Variants in SMARCA5 observed in about 807,000 individuals in gnomAD.
The protein encoded by SMARCA5 is SWI/SNF-related matrix-associated actin-dependent regulator of chromatin subfamily A member 5.
In SMARCA5, 18 loss-of-function variants were observed where a neutral mutation model predicts 140.4. The ratio of observed to expected loss-of-function variants is 0.13; its 90% CI spans 0.09 to 0.19. SMARCA5 has a LOEUF of 0.19. Ranked by LOEUF, SMARCA5 falls within the 10% of genes least tolerant of loss-of-function variation. The pLI is 1.00. For missense variants in SMARCA5, 606 were observed against 1,276.8 expected, an observed-to-expected ratio of 0.47 and a Z score of 8.01; for synonymous variants, 449 against 419.6, an observed-to-expected ratio of 1.07 and a Z score of -0.86.
chr4:143,554,990 T>G lies in SMARCA5; in HGVS notation c.*1806T>G, dbSNP rs980898520. ...CAGCTAGGCCCTGCCACCACTGTGT[T>G]TGGCCAAGTTCACAAATCTGTTTTA... On this transcript the variant is annotated 3_prime_UTR_variant, in exon 24 of 24. Coordinates refer to ENST00000283131, the MANE Select transcript of SMARCA5 (RefSeq NM_003601.4). 6.3e-6 allele frequency: 3 copies of G among 479,196 alleles called. No individual in the cohort carries two copies. Among genetic ancestry groups the G allele is most frequent in the African/African-American group, 3.9e-5 (2 of 50,898 alleles). The allele number at this position is 479,196 out of a possible 1,614,324, so 29.7% of individuals were successfully genotyped here.
At position 143,554,938 on chromosome 4, in the gene SMARCA5, A is replaced by T. The variant is rs1270843733; in HGVS notation, c.*1754A>T. 1 of 387,038 alleles carries T rather than the reference A, an allele frequency of 2.6e-6. No individual in the cohort carries two copies. Among genetic ancestry groups the T allele is most frequent in the Non-Finnish European group, 4.9e-6 (1 of 203,988 alleles). The allele number at this position is 387,038 out of a possible 1,614,324, so 24.0% of individuals were successfully genotyped here. A position where few individuals can be genotyped will look rare whatever the true frequency, so the allele number is the denominator to read the frequency against. ...ACTCAAATGGAAACTGTGTGAAGGG[A>T]AACTCACTTGAAAAAAAAGCATGAA... On this transcript the variant is annotated 3_prime_UTR_variant, in exon 24 of 24. Coordinates refer to ENST00000283131, the MANE Select transcript of SMARCA5 (RefSeq NM_003601.4).
In SMARCA5 at chr4:143,514,018, A is replaced by T. The variant is rs1736764208; in HGVS notation, c.94A>T (p.Ser32Cys). 1.9e-6 allele frequency: 3 copies of T among 1,552,876 alleles called. No homozygotes were observed. In the African/African-American group the frequency reaches 4.1e-5, roughly 21 times the overall value. The change falls in exon 1 of 24, where the codon AGC becomes TGC. Residue 32 changes from serine to cysteine, a missense_variant. Transcript: ENST00000283131. ...GATCGCCAGCGGCGGGAGCAACAGCAGCAACAAAGGCGGCCCCGAAGGCGT... is the reference window on the plus strand; with the variant it reads ...GATCGCCAGCGGCGGGAGCAACAGCTGCAACAAAGGCGGCCCCGAAGGCGT... Reference protein sequence around the residue: ...ASIASGGSNSSNKGGPEGVAA... With the variant: ...ASIASGGSNSCNKGGPEGVAA...
Position 143,556,772 on chromosome 4 carries a change from T to C in SMARCA5, c.*3588T>C, listed in dbSNP as rs953129050. On this transcript the variant is annotated 3_prime_UTR_variant, in exon 24 of 24. Coordinates refer to ENST00000283131, the MANE Select transcript of SMARCA5 (RefSeq NM_003601.4). ...AGCAGTGCTGCAGAATTAACTTCGC[T>C]GTGTACATCCCAGAATCGTTTTGGA... 4.6e-5 allele frequency: 7 copies of C among 152,210 alleles called. No homozygotes were observed. The highest frequency in any genetic ancestry group is 1.0e-4 in the Non-Finnish European group (7 of 68,040). 9.4% of individuals were successfully genotyped at this position (152,210 alleles called of 1,614,324 possible).
At chr4:143,535,868 C>T (rs1347962896) in intron 10 of SMARCA5, among the ~76,000 whole-genome samples, 8 of 152,156 alleles carry the variant, frequency 5.3e-5, no homozygotes, top group Non-Finnish European at 1.2e-4. Context: ...TTTTTATAAT[C>T]TGGCCTTAGC....
chr4:143,520,284 T>C (rs540584281), intron 2 of SMARCA5, among the ~76,000 whole-genome samples: 2 of 152,348 alleles, frequency 1.3e-5, no homozygotes, highest in Admixed American at 1.3e-4. Flanking sequence ...TGCATTCACA[T>C]ATGTATCTTG....
chr4:143,517,699 A>G (rs977870519), intron 2 of SMARCA5, among the ~76,000 whole-genome samples: 4 of 152,154 alleles, frequency 2.6e-5, no homozygotes, highest in Admixed American at 1.3e-4. Context: ...TTTTATAACA[A>G]GCTCACTGGT....
intron 19 of SMARCA5, 22 bp downstream of exon 19, chr4:143,546,069 A>G: frequency 6.5e-7 from 1 of 1,549,258 alleles, no homozygotes; most frequent in Non-Finnish European, 8.7e-7. Context: ...AATCAGTACA[A>G]ACTTTAGTAA....
intron 22 of SMARCA5, among the ~76,000 whole-genome samples, chr4:143,548,802 A>G (rs916322640): frequency 7.9e-5 from 12 of 152,206 alleles, no homozygotes; most frequent in Admixed American, 2.0e-4. Context: ...TTCTGGGATA[A>G]GCAAAGTTTA....
At position 143,555,362 on chromosome 4, in the gene SMARCA5, T is replaced by C; in HGVS notation, c.*2178T>C. ...ATTATAGCAATCCCCACTGCCACCA[T>C]ATCCATCACCACCACCATGGCTGCC... is the stretch of plus-strand genomic sequence containing the variant. On this transcript the variant is annotated 3_prime_UTR_variant, in exon 24 of 24. Coordinates refer to ENST00000283131, the MANE Select transcript of SMARCA5 (RefSeq NM_003601.4). 1 of 706,000 alleles carries C rather than the reference T, an allele frequency of 1.4e-6. No homozygotes were observed. The allele number at this position is 706,000 out of a possible 1,614,324, so 43.7% of individuals were successfully genotyped here. A position where few individuals can be genotyped will look rare whatever the true frequency, so the allele number is the denominator to read the frequency against.
At chr4:143,524,589 T>C in intron 4 of SMARCA5, 122 bp downstream of exon 4, 1 of 615,262 alleles carries the variant, frequency 1.6e-6, no homozygotes. Flanking sequence ...AGATGTTTAT[T>C]GGTTATGAAA....
In SMARCA5 at chr4:143,557,360, C is replaced by G. The variant is rs146013497; in HGVS notation, c.*4176C>G. The G allele has an allele frequency of 6.6e-6, 1 of 152,134 alleles. No homozygotes were observed. The allele number at this position is 152,134 out of a possible 1,614,324, so 9.4% of individuals were successfully genotyped here. ...GAATATGCATATAGTTTGCTTACTA[C>G]AGAAATTCTTGTTTTTGATGTAGAC... On this transcript the variant is annotated 3_prime_UTR_variant, in exon 24 of 24. Transcript: ENST00000283131.
chr4:143,539,052 T>C (rs1737373521), intron 13 of SMARCA5, 114 bp downstream of exon 13: 1 of 912,410 alleles, frequency 1.1e-6, no homozygotes, highest in Non-Finnish European at 1.7e-6. Context: ...TTCTCTAATC[T>C]AATGGTTCAG....
intron 9 of SMARCA5, among the ~76,000 whole-genome samples, chr4:143,532,552 C>T (rs552030995): frequency 6.4e-4 from 97 of 152,276 alleles, no homozygotes; most frequent in Middle Eastern, 3.4e-3. Flanking sequence ...TTTGAAGTTT[C>T]TACAGTAGCA....
intron 23 of SMARCA5, among the ~76,000 whole-genome samples, chr4:143,551,482 C>G (rs1260107535): frequency 6.6e-6 from 1 of 152,034 alleles, no homozygotes; most frequent in African/African-American, 2.4e-5. Context: ...TTTGCCCAGT[C>G]CAGTGTTCTG....
rs1410317497 is a variant in SMARCA5, at chr4:143,525,070, G to T, written c.521-381G>T. Among the ~76,000 whole-genome samples the T allele has an allele frequency of 7.7e-5, 11 of 143,554 alleles. No homozygotes were observed. In the Middle Eastern group the frequency reaches 0.011, roughly 140 times the overall value. The allele number at this position is 143,554 out of a possible 152,430, so 94.2% of individuals were successfully genotyped here. On this transcript the variant is annotated intron_variant, in intron 4 of 23. Coordinates refer to ENST00000283131, the MANE Select transcript of SMARCA5 (RefSeq NM_003601.4). ...CTTTTTTTTTTTTTTTTACTAGAAA[G>T]AAAATAAAATCCCCAGATAACCTGT...
intron 9 of SMARCA5, 34 bp downstream of exon 9, chr4:143,530,560 A>G: frequency 1.4e-6 from 2 of 1,395,494 alleles, no homozygotes; most frequent in Non-Finnish European, 2.0e-6. Context: ...AAGCATATTT[A>G]TGATGGGAAA....
chr4:143,544,406 A>G (rs1051229723), intron 16 of SMARCA5: 40 of 190,804 alleles, frequency 2.1e-4, no homozygotes, highest in African/African-American at 8.8e-4. Context: ...GTTAATATTT[A>G]GGTCTATATC....
At chr4:143,549,173 T>TA (rs1737590445) in intron 22 of SMARCA5, among the ~76,000 whole-genome samples, 1 of 152,074 alleles carries the variant, frequency 6.6e-6, no homozygotes, top group Non-Finnish European at 1.5e-5. Context: ...TAAAACTGTG[T>TA]TACTTCTTAA....
chr4:143,517,936 A>G (rs1409672086), intron 2 of SMARCA5, among the ~76,000 whole-genome samples: 3 of 152,162 alleles, frequency 2.0e-5, no homozygotes, highest in East Asian at 1.9e-4. Context: ...TTATGTGTCT[A>G]TGTAAGCCAA....
Sources: allele counts gnomAD v4.1 joint callset (sites outside exome capture counted in the v4.1 genomes callset), GRCh38; gene constraint gnomAD v4.1.1; transcripts MANE v1.5; gene names NCBI Gene and HGNC (gene_info 2026-07-23, HGNC 2026-07-21).